The following IFIH1 variants were observed in gnomAD, a reference collection of about 807,000 sequenced individuals.
IFIH1 encodes interferon-induced helicase C domain-containing protein 1.
A neutral mutation model predicts 107.4 loss-of-function variants in IFIH1; 125 were observed. The ratio of observed to expected loss-of-function variants is 1.16; its 90% CI spans 1.01 to 1.35. IFIH1 has a LOEUF of 1.35. IFIH1 is among the 40% of genes most tolerant of loss of function. The pLI, the probability that IFIH1 is intolerant of heterozygous loss-of-function variation, is 0.00. For missense variants in IFIH1, 1,333 were observed against 1,213.7 expected, an observed-to-expected ratio of 1.10 and a Z score of -1.46; for synonymous variants, 458 against 413.2, an observed-to-expected ratio of 1.11 and a Z score of -1.31.
intron 5 of IFIH1, 88 bp downstream of exon 5, chr2:162,288,047 G>T: frequency 1.2e-6 from 1 of 803,156 alleles, no homozygotes; most frequent in Non-Finnish European, 2.1e-6. Context: ...CTAAACATGT[G>T]TGAGTCAATG....
chr2:162,307,075 T>G lies in IFIH1; in HGVS notation c.623-220A>C, dbSNP rs753152577. 5.9e-5 allele frequency: 26 copies of G among 442,314 alleles called. 1 individual carries two copies. The highest frequency in any genetic ancestry group is 8.8e-5 in the Non-Finnish European group (22 of 248,790). The allele number at this position is 442,314 out of a possible 1,614,324, so 27.4% of individuals were successfully genotyped here. The stretch of plus-strand genomic sequence containing the variant: ...TGTTATTGTTATTTTGAAAACAAAA[T>G]GGAGAGCCCGCAATAGAGATTGCTT... On this transcript the variant is annotated intron_variant, in intron 2 of 15. Transcript: ENST00000649979.
At chr2:162,291,862 C>T (rs1279779974) in intron 4 of IFIH1, among the ~76,000 whole-genome samples, 3 of 151,866 alleles carry the variant, frequency 2.0e-5, no homozygotes. Flanking sequence ...ATTGACTACC[C>T]ACTAGGCAAA....
intron 13 of IFIH1, among the ~76,000 whole-genome samples, chr2:162,270,221 T>C (rs1283377581): frequency 1.3e-5 from 2 of 152,120 alleles, no homozygotes; most frequent in African/African-American, 2.4e-5. Context: ...TAAAGTGTAA[T>C]AATGTAGCAA....
chr2:162,309,187 C>A (rs1397202473), intron 2 of IFIH1, among the ~76,000 whole-genome samples: 1 of 152,194 alleles, frequency 6.6e-6, no homozygotes, highest in Non-Finnish European at 1.5e-5. Flanking sequence ...TGGTTTGATG[C>A]TCTGCCTTCC....
chr2:162,314,690 G>T (rs6759077), intron 1 of IFIH1, among the ~76,000 whole-genome samples: 14,020 of 151,422 alleles, frequency 0.093, 2,209 homozygotes, highest in African/African-American at 0.32. Context: ...GAGTTTTACC[G>T]TGTTAGCCAG....
intron 14 of IFIH1, 40 bp from the exon 15 acceptor site, chr2:162,267,609 A>G: frequency 7.1e-7 from 1 of 1,399,460 alleles, no homozygotes; most frequent in Admixed American, 1.7e-5. Flanking sequence ...TGGAGAACTG[A>G]CAAAATACCA....
intron 11 of IFIH1, among the ~76,000 whole-genome samples, 171 bp downstream of exon 11, chr2:162,276,516 G>T (rs567570735): frequency 3.9e-5 from 6 of 152,114 alleles, no homozygotes; most frequent in Non-Finnish European, 8.8e-5. Context: ...GGGGCTGGAG[G>T]ATTGCTTGAG....
chr2:162,307,847 A>C (rs1363403360), intron 2 of IFIH1, among the ~76,000 whole-genome samples: 2 of 152,242 alleles, frequency 1.3e-5, no homozygotes, highest in Non-Finnish European at 2.9e-5. Context: ...TTTTGCACTC[A>C]CAATATAAAT....
chr2:162,293,451 G>C, intron 4 of IFIH1, 113 bp downstream of exon 4: 1 of 626,890 alleles, frequency 1.6e-6, no homozygotes, highest in Non-Finnish European at 2.8e-6. Context: ...CTGTAGAAAA[G>C]AATTGCTTTA....
chr2:162,318,358 G>C lies in IFIH1; in HGVS notation c.-51C>G, dbSNP rs918333883. The C allele has an allele frequency of 6.8e-7, 1 of 1,473,532 alleles. No individual in the cohort carries two copies. Among genetic ancestry groups the C allele is most frequent in the Non-Finnish European group, 9.4e-7 (1 of 1,065,120 alleles). The allele number at this position is 1,473,532 out of a possible 1,614,324, so 91.3% of individuals were successfully genotyped here. ...GTTCTCCCAAGCAGATGGTGCTGTT[G>C]TCTGCGGGACAGGTGAAATGTGCGT... On this transcript the variant is annotated 5_prime_UTR_variant, in exon 1 of 16. Coordinates refer to ENST00000649979, the MANE Select transcript of IFIH1 (RefSeq NM_022168.4).
intron 3 of IFIH1, among the ~76,000 whole-genome samples, chr2:162,298,569 C>T (rs773798749): frequency 6.6e-6 from 1 of 152,094 alleles, no homozygotes; most frequent in Non-Finnish European, 1.5e-5. Context: ...ATAATCCTCA[C>T]GCCTGGAAGG....
intron 1 of IFIH1, among the ~76,000 whole-genome samples, chr2:162,313,031 G>A (rs910139010): frequency 6.6e-6 from 1 of 151,996 alleles, no homozygotes; most frequent in South Asian, 2.1e-4. Context: ...TTTCTTTGCC[G>A]TTATTGAGTC....
intron 1 of IFIH1, 99 bp from the exon 2 acceptor site, chr2:162,311,032 G>A (rs1250379256): frequency 3.5e-6 from 3 of 860,202 alleles, no homozygotes; most frequent in Non-Finnish European, 5.3e-6. Context: ...TTAAGCATAA[G>A]TATAAATAAA....
chr2:162,274,970 T>C (rs928492221), intron 11 of IFIH1, among the ~76,000 whole-genome samples: 3 of 152,196 alleles, frequency 2.0e-5, no homozygotes, highest in Admixed American at 1.3e-4. Flanking sequence ...CTCTCTTGAG[T>C]CTTCTCTGAA....
rs748191122 is a variant in IFIH1, at chr2:162,281,358, C to T, written c.1494G>A (p.Lys498=). 6.2e-7 allele frequency: 1 copy of T among 1,612,486 alleles called. No homozygotes were observed. The highest frequency in any genetic ancestry group is 1.1e-5 in the South Asian group (1 of 91,042). ...TASPGVGGAT[K]QAKAEEHILK... ...AAATGTGTTCTTCAGCTTTGGCTTGCTTCGTGGCCCCTCCAACACCAGGTG... is the reference window on the plus strand; with the variant it reads ...AAATGTGTTCTTCAGCTTTGGCTTGTTTCGTGGCCCCTCCAACACCAGGTG... Residue 498 remains lysine, a synonymous_variant, in exon 7 of 16, where the codon AAG becomes AAA. Coordinates refer to ENST00000649979, the MANE Select transcript of IFIH1 (RefSeq NM_022168.4).
intron 5 of IFIH1, among the ~76,000 whole-genome samples, chr2:162,284,435 G>A (rs1029140612): frequency 6.6e-6 from 1 of 151,904 alleles, no homozygotes; most frequent in Non-Finnish European, 1.5e-5. Flanking sequence ...ACCTATTATA[G>A]GGTTGTGAAA....
At chr2:162,290,667 T>C (rs1682980776) in intron 4 of IFIH1, among the ~76,000 whole-genome samples, 1 of 151,946 alleles carries the variant, frequency 6.6e-6, no homozygotes, top group Admixed American at 6.6e-5. Flanking sequence ...CACACAAAAA[T>C]ACCTGGTTAG....
rs570605809 is a variant in IFIH1, at chr2:162,281,728, G to A, written c.1307-183C>T. Among the ~76,000 whole-genome samples the A allele has an allele frequency of 1.1e-4, 17 of 151,994 alleles. No individual in the cohort carries two copies. The South Asian group carries it at 1.9e-3, about 17-fold the overall frequency. ...CTAGCACCTGTACACACAGACGTTC[G>A]TATATACTAATCATGAAACTCCCTG... On this transcript the variant is annotated intron_variant, in intron 6 of 15. Transcript: ENST00000649979.
At chr2:162,277,742 C>T in intron 9 of IFIH1, 49 bp from the exon 10 acceptor site, 1 of 1,543,610 alleles carries the variant, frequency 6.5e-7, no homozygotes, top group Non-Finnish European at 8.7e-7. Flanking sequence ...TATAAACCCC[C>T]TAAAATTGTG....
Sources: gnomAD v4.1 joint callset for allele counts (sites outside exome capture counted in the v4.1 genomes callset) on GRCh38, gnomAD v4.1.1 for gene constraint, MANE v1.5 for transcripts, NCBI Gene and HGNC (gene_info 2026-07-23, HGNC 2026-07-21) for gene names.